Variants in LIN28B observed in about 807,000 individuals in gnomAD.
LIN28B encodes protein lin-28 homolog B.
LIN28B carries 5 observed loss-of-function variants against 21.9 expected under a neutral mutation model. That is an observed-to-expected ratio of 0.23 (90% CI 0.12 to 0.48). LIN28B has a LOEUF of 0.48. Ranked by LOEUF, LIN28B falls within the 20% of genes least tolerant of loss-of-function variation. LIN28B has a pLI of 0.98. For missense variants in LIN28B, 245 were observed against 310.5 expected (o/e 0.79, Z 1.58); for synonymous variants, 109 against 111.3 (o/e 0.98, Z 0.13).
chr6:104,940,440 GCGGCAGCGGCCGTGCGCGCCCA>G (rs1027553954), intron 2 of LIN28B: 2 of 154,816 alleles, frequency 1.3e-5, no homozygotes, highest in African/African-American at 4.8e-5. Flanking sequence ...AGAACAAACG[GCGGCAGCGGCCGTGCGCGCCCA>G]CGGCCTGCGC....
intron 2 of LIN28B, among the ~76,000 whole-genome samples, chr6:104,997,543 G>A (rs555456386): frequency 1.8e-4 from 24 of 133,544 alleles, no homozygotes; most frequent in African/African-American, 5.7e-4. Flanking sequence ...TGTAACACCC[G>A]CCCCCCCCCG....
At chr6:105,071,978 T>A (rs1772341328) in intron 3 of LIN28B, among the ~76,000 whole-genome samples, 1 of 152,150 alleles carries the variant, frequency 6.6e-6, no homozygotes, top group African/African-American at 2.4e-5. Flanking sequence ...GTAAAGAATC[T>A]GGATTGGACT....
At chr6:104,998,530 G>GTA (rs1254150820) in intron 2 of LIN28B, among the ~76,000 whole-genome samples, 1 of 151,616 alleles carries the variant, frequency 6.6e-6, no homozygotes, top group African/African-American at 2.4e-5. Flanking sequence ...TTTTCTCTCC[G>GTA]TACTTGCCAG....
At chr6:105,042,494 A>G (rs1771658543) in intron 3 of LIN28B, among the ~76,000 whole-genome samples, 1 of 152,106 alleles carries the variant, frequency 6.6e-6, no homozygotes, top group Non-Finnish European at 1.5e-5. Flanking sequence ...TTACATAGCT[A>G]TTAGTGCTCC....
At chr6:104,998,455 A>G (rs1770656961) in intron 2 of LIN28B, among the ~76,000 whole-genome samples, 1 of 152,158 alleles carries the variant, frequency 6.6e-6, no homozygotes. Flanking sequence ...TATTGTTAAA[A>G]TATAGACAAT....
intron 3 of LIN28B, among the ~76,000 whole-genome samples, chr6:105,069,128 G>A (rs1486681391): frequency 2.6e-5 from 4 of 152,158 alleles, no homozygotes; most frequent in Admixed American, 2.6e-4. Flanking sequence ...TGAGGCATGA[G>A]AATCATTTGA....
chr6:104,999,725 G>A (rs1019171295), intron 2 of LIN28B, among the ~76,000 whole-genome samples: 5 of 152,108 alleles, frequency 3.3e-5, no homozygotes, highest in African/African-American at 1.2e-4. Flanking sequence ...TTGTCGCCCA[G>A]GCTGGAGTGC....
intron 3 of LIN28B, among the ~76,000 whole-genome samples, chr6:105,057,378 A>T (rs1040648684): frequency 4.6e-5 from 7 of 152,180 alleles, no homozygotes; most frequent in Admixed American, 3.9e-4. Context: ...ATCATCTGCC[A>T]TCTGACAGCA....
At chr6:105,048,132 G>T (rs377470171) in intron 3 of LIN28B, among the ~76,000 whole-genome samples, 17 of 152,144 alleles carry the variant, frequency 1.1e-4, no homozygotes, top group African/African-American at 2.9e-4. Context: ...TTTTGCCCAT[G>T]CAGTATGATA....
intron 2 of LIN28B, among the ~76,000 whole-genome samples, chr6:104,982,656 T>C (rs1405097576): frequency 6.6e-6 from 1 of 152,162 alleles, no homozygotes; most frequent in African/African-American, 2.4e-5. Flanking sequence ...ATGGGCCATA[T>C]GTGGTTGCAT....
intron 3 of LIN28B, among the ~76,000 whole-genome samples, chr6:105,041,091 TA>T (rs1430693061): frequency 1.3e-5 from 2 of 151,392 alleles, no homozygotes; most frequent in African/African-American, 4.9e-5. Flanking sequence ...TTTTTTTTTT[TA>T]GTAGAGACAG....
At chr6:104,982,512 CT>C (rs1385151854) in intron 2 of LIN28B, among the ~76,000 whole-genome samples, 1 of 151,980 alleles carries the variant, frequency 6.6e-6, no homozygotes, top group African/African-American at 2.4e-5. Context: ...AAATTCAATC[CT>C]TTTATTTAAT....
intron 3 of LIN28B, among the ~76,000 whole-genome samples, chr6:105,069,990 TCCTTCCAC>T (rs1239198946): frequency 6.6e-6 from 1 of 152,088 alleles, no homozygotes; most frequent in African/African-American, 2.4e-5. Context: ...CCTCCTTCCC[TCCTTCCAC>T]CCCTCCCCTC....
rs1165762838 is a variant in LIN28B, at chr6:105,013,116, A to G, written c.199-13182A>G. 2.0e-5 allele frequency among the ~76,000 whole-genome samples: 3 copies of G among 152,142 alleles called. No individual in the cohort carries two copies. In the East Asian group the frequency reaches 5.8e-4, roughly 30 times the overall value. On this transcript the variant is annotated intron_variant, in intron 2 of 3. Coordinates refer to ENST00000345080, the MANE Select transcript of LIN28B (RefSeq NM_001004317.4). ...CTGCAACCTCCACCTCCCAGGTTCG[A>G]TTCTCCTGCCTCAGCCTCCCGAGTA...
In LIN28B at chr6:105,029,922, C is replaced by T. The variant is rs532267933; in HGVS notation, c.383+3440C>T. On this transcript the variant is annotated intron_variant, in intron 3 of 3. Transcript: ENST00000345080. ...ACATTGAAAAGGTGGTAAGTAAACA[C>T]ATGGGGTGTGGGTTGCAGTGGAGTC... 6.0e-4 allele frequency among the ~76,000 whole-genome samples: 91 copies of T among 152,252 alleles called. No individual in the cohort carries two copies. In the South Asian group the frequency reaches 0.018, roughly 29 times the overall value.
intron 2 of LIN28B, among the ~76,000 whole-genome samples, chr6:104,984,247 T>A (rs1425406108): frequency 6.6e-6 from 1 of 152,216 alleles, no homozygotes; most frequent in African/African-American, 2.4e-5. Context: ...AATTAGCTTT[T>A]TCTCCAGAGG....
At chr6:105,049,773 T>C (rs1771855244) in intron 3 of LIN28B, among the ~76,000 whole-genome samples, 1 of 152,222 alleles carries the variant, frequency 6.6e-6, no homozygotes, top group Non-Finnish European at 1.5e-5. Context: ...TCTTTGTCTC[T>C]TATGATCTTT....
intron 2 of LIN28B, among the ~76,000 whole-genome samples, chr6:104,999,505 C>T (rs777758146): frequency 4.6e-5 from 7 of 152,050 alleles, no homozygotes; most frequent in Non-Finnish European, 7.3e-5. Flanking sequence ...ATATCAAAAG[C>T]ATGTAAATTA....
intron 2 of LIN28B, among the ~76,000 whole-genome samples, chr6:104,990,804 C>T (rs1770449486): frequency 6.6e-6 from 1 of 152,082 alleles, no homozygotes; most frequent in Admixed American, 6.5e-5. Flanking sequence ...TTTAACAAAG[C>T]GCATCTTGCA....
Sources: gnomAD v4.1 joint callset for allele counts (sites outside exome capture counted in the v4.1 genomes callset) on GRCh38, gnomAD v4.1.1 for gene constraint, MANE v1.5 for transcripts, NCBI Gene and HGNC (gene_info 2026-07-23, HGNC 2026-07-21) for gene names.